Variants in TRERF1 observed in about 807,000 individuals in gnomAD.
TRERF1 encodes transcriptional-regulating factor 1.
In TRERF1, 27 loss-of-function variants were observed where a neutral mutation model predicts 122.9. That is an observed-to-expected ratio of 0.22 (90% CI 0.16 to 0.30). TRERF1 has a LOEUF of 0.30. TRERF1 is among the 10% of genes least tolerant of loss of function. The pLI is 1.00. For missense variants in TRERF1, 1,248 were observed against 1,560.3 expected, an observed-to-expected ratio of 0.80 and a Z score of 3.37; for synonymous variants, 636 against 641.7, an observed-to-expected ratio of 0.99 and a Z score of 0.13.
intron 17 of TRERF1, among the ~76,000 whole-genome samples, chr6:42,230,631 A>T (rs749223447): frequency 6.6e-6 from 1 of 152,258 alleles, no homozygotes; most frequent in Non-Finnish European, 1.5e-5. Context: ...AAAAGCCTTA[A>T]GATCAATCCA....
chr6:42,418,273 T>C (rs1207510952), intron 2 of TRERF1, among the ~76,000 whole-genome samples: 1 of 140,030 alleles, frequency 7.1e-6, no homozygotes, highest in African/African-American at 2.6e-5. Flanking sequence ...TTTCTTTTTT[T>C]TTTTTTTTTT....
chr6:42,397,608 G>A (rs1015840787), intron 2 of TRERF1, among the ~76,000 whole-genome samples: 3 of 151,974 alleles, frequency 2.0e-5, no homozygotes, highest in East Asian at 1.9e-4. Context: ...ACTCATCCTC[G>A]TTGTTTGTCT....
chr6:42,243,283 G>A (rs747851788), exon 15 of TRERF1: 22 of 1,614,068 alleles, frequency 1.4e-5, no homozygotes, highest in South Asian at 2.2e-5. Flanking sequence ...AGGCGTGTCC[G>A]GTGTTTCCGC....
At chr6:42,419,345 T>G (rs1782417503) in intron 2 of TRERF1, among the ~76,000 whole-genome samples, 2 of 141,564 alleles carry the variant, frequency 1.4e-5, no homozygotes, top group African/African-American at 2.6e-5. Flanking sequence ...TCAACCCCCC[T>G]CACAAACCAC....
intron 9 of TRERF1, among the ~76,000 whole-genome samples, chr6:42,258,670 G>A (rs1002950402): frequency 1.3e-5 from 2 of 152,194 alleles, no homozygotes; most frequent in Admixed American, 6.5e-5. Flanking sequence ...CGCTTCCCGG[G>A]TTCAAGAGAT....
chr6:42,345,472 A>T (rs1445655515), intron 3 of TRERF1, among the ~76,000 whole-genome samples: 1 of 152,226 alleles, frequency 6.6e-6, no homozygotes, highest in Non-Finnish European at 1.5e-5. Flanking sequence ...GAGAAATAAC[A>T]GAATGAGGTT....
chr6:42,388,729 G>A (rs1019379653), intron 2 of TRERF1, among the ~76,000 whole-genome samples: 16 of 152,152 alleles, frequency 1.1e-4, no homozygotes, highest in African/African-American at 3.4e-4. Flanking sequence ...AGAGGCAATC[G>A]GCTTGGTTTT....
exon 18 of TRERF1, chr6:42,225,514 T>C (rs1227832923): frequency 6.6e-6 from 1 of 151,812 alleles, no homozygotes; most frequent in African/African-American, 2.4e-5. Flanking sequence ...CTATACATAG[T>C]GCTTTAATAT....
chr6:42,319,982 A>G (rs1763130607), intron 3 of TRERF1, among the ~76,000 whole-genome samples: 1 of 151,474 alleles, frequency 6.6e-6, no homozygotes, highest in Admixed American at 6.6e-5. Flanking sequence ...GCTCACTGCA[A>G]CCTCTGCCTC....
intron 3 of TRERF1, among the ~76,000 whole-genome samples, chr6:42,315,797 C>T (rs1208105229): frequency 1.3e-5 from 2 of 149,194 alleles, no homozygotes; most frequent in Admixed American, 6.8e-5. Flanking sequence ...GTGGAAGGCA[C>T]AGGTTGGGAC....
intron 2 of TRERF1, among the ~76,000 whole-genome samples, chr6:42,430,758 G>A (rs1412996464): frequency 3.3e-5 from 5 of 152,156 alleles, no homozygotes; most frequent in South Asian, 2.1e-4. Context: ...TTAGCCAGGC[G>A]TGGTGGTGCA....
At chr6:42,382,353 G>A (rs766301759) in intron 2 of TRERF1, among the ~76,000 whole-genome samples, 2 of 150,760 alleles carry the variant, frequency 1.3e-5, no homozygotes, top group African/African-American at 2.4e-5. Flanking sequence ...TTTATCTCCC[G>A]TGTCTAGAGT....
chr6:42,238,547 A>C (rs946162664), intron 15 of TRERF1, among the ~76,000 whole-genome samples: 4 of 152,222 alleles, frequency 2.6e-5, no homozygotes. Context: ...TTGTGAAACA[A>C]AACACTTACT....
chr6:42,394,224 C>A (rs1032980636), intron 2 of TRERF1, among the ~76,000 whole-genome samples: 1 of 152,090 alleles, frequency 6.6e-6, no homozygotes, highest in African/African-American at 2.4e-5. Context: ...CAAGCCAGGT[C>A]ACCCCCAAAC....
At chr6:42,307,768 A>C (rs1024308062) in intron 3 of TRERF1, among the ~76,000 whole-genome samples, 2 of 152,108 alleles carry the variant, frequency 1.3e-5, no homozygotes, top group African/African-American at 4.8e-5. Context: ...GGGCTTCCCC[A>C]GCCCAACAAA....
intron 2 of TRERF1, among the ~76,000 whole-genome samples, chr6:42,394,180 G>C (rs887509432): frequency 1.3e-5 from 2 of 152,072 alleles, no homozygotes; most frequent in Admixed American, 1.3e-4. Context: ...AGGTGCTCAG[G>C]CCTCTGATAC....
At chr6:42,388,224 C>CTT (rs112638565) in intron 2 of TRERF1, among the ~76,000 whole-genome samples, 6 of 136,498 alleles carry the variant, frequency 4.4e-5, no homozygotes, top group South Asian at 2.4e-4. Context: ...TGATTTCTTT[C>CTT]TTTTTTTTTT....
chr6:42,279,136 T>C (rs1000229), intron 4 of TRERF1, among the ~76,000 whole-genome samples: 31,670 of 152,052 alleles, frequency 0.21, 4,117 homozygotes, highest in East Asian at 0.35. Context: ...AGCCACAATA[T>C]AGGGCTTGGG....
At chr6:42,324,223 A>ATCT (rs1486040792) in intron 3 of TRERF1, among the ~76,000 whole-genome samples, 1 of 152,228 alleles carries the variant, frequency 6.6e-6, no homozygotes, top group East Asian at 1.9e-4. Context: ...CTCTACAAGA[A>ATCT]CTACAAAACA....
Sources: gnomAD v4.1 joint callset for allele counts (sites outside exome capture counted in the v4.1 genomes callset) on GRCh38, gnomAD v4.1.1 for gene constraint, MANE v1.5 for transcripts, NCBI Gene and HGNC (gene_info 2026-07-23, HGNC 2026-07-21) for gene names.